The following CNTN4 variants were observed in gnomAD, a reference collection of about 807,000 sequenced individuals.
The protein encoded by CNTN4 is contactin-4.
In CNTN4, 77 loss-of-function variants were observed where a neutral mutation model predicts 122.5. The ratio of observed to expected loss-of-function variants is 0.63; its 90% CI spans 0.52 to 0.76. The LOEUF (loss-of-function observed/expected upper bound fraction) is 0.76, where lower values mean the gene tolerates loss of function less well. CNTN4 is among the 30% of genes least tolerant of loss of function. The pLI, the probability that CNTN4 is intolerant of heterozygous loss-of-function variation, is 0.00. For synonymous variants in CNTN4, 512 were observed against 447.0 expected, an observed-to-expected ratio of 1.15 and a Z score of -1.83; for missense variants, 1,256 against 1,259.1, an observed-to-expected ratio of 1.00 and a Z score of 0.04.
At chr3:2,679,402 T>A (rs956569182) in intron 4 of CNTN4, among the ~76,000 whole-genome samples, 1 of 152,192 alleles carries the variant, frequency 6.6e-6, no homozygotes, top group Admixed American at 6.5e-5. Flanking sequence ...GACAAAGAAG[T>A]AGGAAGCTCA....
chr3:2,879,451 C>A (rs7644112), intron 8 of CNTN4, among the ~76,000 whole-genome samples: 38,565 of 152,114 alleles, frequency 0.25, 4,995 homozygotes, highest in Middle Eastern at 0.35. Flanking sequence ...GAAACTAATA[C>A]AACCAGCGAA....
intron 15 of CNTN4, among the ~76,000 whole-genome samples, chr3:3,027,231 T>A (rs1698802636): frequency 6.6e-6 from 1 of 152,202 alleles, no homozygotes; most frequent in Non-Finnish European, 1.5e-5. Context: ...AGTCACAGAA[T>A]GCCCAAAACA....
chr3:3,034,482 C>A, intron 16 of CNTN4, 150 bp from the exon 17 acceptor site: 1 of 833,146 alleles, frequency 1.2e-6, no homozygotes, highest in Non-Finnish European at 1.9e-6. Flanking sequence ...GTTCCAAGCA[C>A]GTAGTAGGAG....
At chr3:2,612,528 T>G (rs2081543701) in intron 4 of CNTN4, among the ~76,000 whole-genome samples, 1 of 152,064 alleles carries the variant, frequency 6.6e-6, no homozygotes. Flanking sequence ...AGTTTTGAAG[T>G]CAAGATACAA....
chr3:2,345,410 A>T (rs980415860), intron 3 of CNTN4, among the ~76,000 whole-genome samples: 1 of 152,186 alleles, frequency 6.6e-6, no homozygotes, highest in East Asian at 1.9e-4. Context: ...AGAAATTTTT[A>T]ATCTTAAGTA....
chr3:2,358,568 A>G (rs1163343526), intron 3 of CNTN4, among the ~76,000 whole-genome samples: 5 of 152,002 alleles, frequency 3.3e-5, no homozygotes, highest in African/African-American at 1.2e-4. Flanking sequence ...TAAGGAGGAC[A>G]TGCTTTCCAG....
intron 4 of CNTN4, among the ~76,000 whole-genome samples, chr3:2,658,557 G>A (rs1173628853): frequency 6.6e-6 from 1 of 152,174 alleles, no homozygotes. Context: ...TCTATGTTGT[G>A]TTGTTACCTT....
At chr3:2,836,281 A>C (rs575051610) in intron 7 of CNTN4, among the ~76,000 whole-genome samples, 1 of 152,328 alleles carries the variant, frequency 6.6e-6, no homozygotes, top group Non-Finnish European at 1.5e-5. Context: ...TAAAGTTTTA[A>C]TGTAATTCTC....
rs559247798 is a variant in CNTN4, at chr3:2,460,317, A to G, written c.-88-111099A>G. Among the ~76,000 whole-genome samples, 104 of 152,266 alleles carry G rather than the reference A, an allele frequency of 6.8e-4. 1 individual carries two copies. Among genetic ancestry groups the G allele is most frequent in the Middle Eastern group, 3.4e-3 (1 of 294 alleles). Reference sequence around the variant, plus strand: ...TGTTCCAAAAGTCATTTGGTGAGCCATTCTGACTGTTTCCACTTTGAGAAT... The same window carrying G: ...TGTTCCAAAAGTCATTTGGTGAGCCGTTCTGACTGTTTCCACTTTGAGAAT... On this transcript the variant is annotated intron_variant, in intron 3 of 24. Coordinates refer to ENST00000418658, the MANE Select transcript of CNTN4 (RefSeq NM_175607.3).
intron 12 of CNTN4, among the ~76,000 whole-genome samples, chr3:2,922,522 T>C (rs1243850474): frequency 6.6e-6 from 1 of 152,158 alleles, no homozygotes; most frequent in Non-Finnish European, 1.5e-5. Context: ...AGTACCACAG[T>C]TTATGGTTAC....
intron 2 of CNTN4, among the ~76,000 whole-genome samples, chr3:2,274,374 C>T (rs2041418841): frequency 7.4e-6 from 1 of 134,512 alleles, no homozygotes; most frequent in Non-Finnish European, 1.6e-5. Context: ...CAGAGAGAGA[C>T]TCCATCAAAA....
At chr3:2,876,529 A>T (rs1440858417) in intron 8 of CNTN4, among the ~76,000 whole-genome samples, 1 of 152,142 alleles carries the variant, frequency 6.6e-6, no homozygotes, top group Non-Finnish European at 1.5e-5. Context: ...CTGTAGTTAA[A>T]TTTAGTAAGC....
At chr3:2,436,796 T>C (rs577889809) in intron 3 of CNTN4, among the ~76,000 whole-genome samples, 43 of 145,274 alleles carry the variant, frequency 3.0e-4, no homozygotes, top group African/African-American at 1.1e-3. Context: ...GTATATATTT[T>C]CTTCAAATAT....
chr3:2,913,013 G>C (rs1266033153), intron 12 of CNTN4, among the ~76,000 whole-genome samples: 1 of 152,134 alleles, frequency 6.6e-6, no homozygotes, highest in Admixed American at 6.5e-5. Context: ...TTAGCTGGAT[G>C]TGGTGGCGCA....
At chr3:2,702,285 G>A (rs2086399519) in intron 4 of CNTN4, among the ~76,000 whole-genome samples, 1 of 152,234 alleles carries the variant, frequency 6.6e-6, no homozygotes, top group Admixed American at 6.5e-5. Flanking sequence ...TGGATGACCA[G>A]CAAAGAGCAT....
intron 4 of CNTN4, among the ~76,000 whole-genome samples, chr3:2,681,213 T>C (rs2085147071): frequency 6.6e-6 from 1 of 152,126 alleles, no homozygotes; most frequent in African/African-American, 2.4e-5. Context: ...TCTCAGATAA[T>C]AGTTCTAGTA....
At chr3:2,887,749 CTT>C (rs777513058) in intron 10 of CNTN4, among the ~76,000 whole-genome samples, 1 of 152,126 alleles carries the variant, frequency 6.6e-6, no homozygotes, top group African/African-American at 2.4e-5. Flanking sequence ...ACCCCAAAGA[CTT>C]TTTATGTGCA....
chr3:2,108,170 T>C (rs2032615107), intron 2 of CNTN4, among the ~76,000 whole-genome samples: 2 of 139,128 alleles, frequency 1.4e-5, no homozygotes, highest in African/African-American at 2.6e-5. Flanking sequence ...CTTTTCTTTT[T>C]TTTTTTTTTT....
At chr3:2,545,284 G>A (rs1251879167) in intron 3 of CNTN4, among the ~76,000 whole-genome samples, 1 of 151,972 alleles carries the variant, frequency 6.6e-6, no homozygotes, top group Non-Finnish European at 1.5e-5. Flanking sequence ...ATGTCCAATT[G>A]TGTGGTCAAA....
Sources: gnomAD v4.1 joint callset for allele counts (sites outside exome capture counted in the v4.1 genomes callset) on GRCh38, gnomAD v4.1.1 for gene constraint, MANE v1.5 for transcripts, NCBI Gene and HGNC (gene_info 2026-07-23, HGNC 2026-07-21) for gene names.